Variants in HFM1 observed in about 807,000 individuals in gnomAD.
The protein encoded by HFM1 is helicase for meiosis 1, also known as probable ATP-dependent DNA helicase HFM1.
Under a neutral mutation model 192.1 loss-of-function variants are expected in HFM1, and 169 were observed. The ratio of observed to expected loss-of-function variants is 0.88; its 90% CI spans 0.78 to 1.00. The LOEUF is 1.00. Among genes scored for constraint, HFM1 ranks in the 50% least tolerant of loss-of-function variants. The pLI is 0.00. For synonymous variants in HFM1, 525 were observed against 537.8 expected (o/e 0.98, Z 0.33); for missense variants, 1,661 against 1,668.0 (o/e 1.00, Z 0.07).
rs750844625 is a variant in HFM1 at position 91,394,060 on chromosome 1, C to G, written c.494+33G>C. On this transcript the variant is annotated intron_variant, in intron 4 of 38. Coordinates refer to ENST00000370425, the MANE Select transcript of HFM1 (RefSeq NM_001017975.6). The stretch of plus-strand genomic sequence containing the variant: ...ATGTACAAATATTCAACTTTATTCA[C>G]AGAATATTATTTAGTTTAATTATAA... 3.8e-5 allele frequency: 45 copies of G among 1,173,794 alleles called. No individual in the cohort carries two copies. In the East Asian group the frequency reaches 1.1e-3, roughly 29 times the overall value. 72.7% of individuals were successfully genotyped at this position (1,173,794 alleles called of 1,614,324 possible).
chr1:91,405,193 A>T (rs1162063069), upstream of HFM1, among the ~76,000 whole-genome samples: 1 of 152,208 alleles, frequency 6.6e-6, no homozygotes, highest in Non-Finnish European at 1.5e-5. Context: ...TATTTATAAA[A>T]TATCACAGTG....
intron 18 of HFM1, 59 bp downstream of exon 18, chr1:91,350,679 T>C: frequency 6.6e-7 from 1 of 1,523,624 alleles, no homozygotes; most frequent in Non-Finnish European, 9.0e-7. Context: ...CTTATTAGTA[T>C]AAATACAGGC....
Position 91,328,489 on chromosome 1 carries a change from A to C in HFM1, c.2336-3723T>G. On this transcript the variant is annotated intron_variant, in intron 20 of 38. Transcript: ENST00000370425. ...CCGTAAGGTGGCCATTGATGCCTCT[A>C]TGAGCACTTATCAGTTCCTGATTGC... The C allele has an allele frequency of 1.9e-6, 3 of 1,613,572 alleles. No individual in the cohort carries two copies. In the African/African-American group the frequency reaches 4.0e-5, roughly 21 times the overall value.
At chr1:91,407,162 T>G (rs1284522961), upstream of HFM1, among the ~76,000 whole-genome samples, 1 of 152,134 alleles carries the variant, frequency 6.6e-6, no homozygotes, top group Non-Finnish European at 1.5e-5. Context: ...AACAAGAAAT[T>G]TGTGCCCATT....
intron 21 of HFM1, among the ~76,000 whole-genome samples, chr1:91,323,909 C>A (rs1267126062): frequency 1.3e-5 from 2 of 152,124 alleles, no homozygotes; most frequent in African/African-American, 4.8e-5. Context: ...AACTGGAATT[C>A]TACTGTGCAA....
intron 30 of HFM1, among the ~76,000 whole-genome samples, chr1:91,285,698 G>C (rs1667897097): frequency 6.6e-6 from 1 of 152,184 alleles, no homozygotes; most frequent in African/African-American, 2.4e-5. Context: ...CTTCATCCAT[G>C]ATTTTGCTTT....
At chr1:91,347,886 T>C (rs1031426650) in intron 18 of HFM1, among the ~76,000 whole-genome samples, 7 of 152,098 alleles carry the variant, frequency 4.6e-5, no homozygotes. Flanking sequence ...TACATGTGTA[T>C]CAAAAGATAT....
intron 30 of HFM1, among the ~76,000 whole-genome samples, chr1:91,292,714 T>C (rs1304343739): frequency 2.0e-5 from 3 of 152,162 alleles, no homozygotes; most frequent in East Asian, 1.9e-4. Context: ...TTAAAGTTCA[T>C]ATGGAACAAA....
At chr1:91,396,876 C>T (rs1276849968) in intron 2 of HFM1, among the ~76,000 whole-genome samples, 3 of 152,202 alleles carry the variant, frequency 2.0e-5, no homozygotes, top group East Asian at 1.9e-4. Context: ...GTTAGGAACC[C>T]GGCTGCACAG....
chr1:91,266,747 TA>T (rs1310763845), intron 35 of HFM1, among the ~76,000 whole-genome samples: 1 of 152,158 alleles, frequency 6.6e-6, no homozygotes, highest in Non-Finnish European at 1.5e-5. Context: ...ACACATTGCC[TA>T]TTAACTTGCA....
At chr1:91,316,701 A>G (rs1651278529) in intron 25 of HFM1, among the ~76,000 whole-genome samples, 1 of 152,224 alleles carries the variant, frequency 6.6e-6, no homozygotes, top group Admixed American at 6.5e-5. Context: ...TGCTTTATAA[A>G]AGAAAGAGAA....
At chr1:91,319,416 C>A in intron 23 of HFM1, 26 bp from the exon 24 acceptor site, 1 of 1,447,584 alleles carries the variant, frequency 6.9e-7, no homozygotes, top group Non-Finnish European at 9.7e-7. Flanking sequence ...AAAATTGTTA[C>A]TCCCTTTTAA....
chr1:91,265,911 A>T, intron 36 of HFM1, 106 bp downstream of exon 36: 1 of 1,468,224 alleles, frequency 6.8e-7, no homozygotes, highest in East Asian at 2.5e-5. Context: ...AGGTTGGCTA[A>T]TACCTTTTAG....
chr1:91,380,253 A>G lies in HFM1; in HGVS notation c.874-17T>C, dbSNP rs902952725. ...GTAAAGAAGCTAAAAAATAAAAAGT[A>G]ATCAATCATGTAACATATAGACTTT... On this transcript the variant is annotated splice_polypyrimidine_tract_variant and intron_variant, in intron 7 of 38. Transcript: ENST00000370425. 6 of 1,468,488 alleles carry G rather than the reference A, an allele frequency of 4.1e-6. No individual in the cohort carries two copies. Among genetic ancestry groups the G allele is most frequent in the Non-Finnish European group, 5.5e-6 (6 of 1,091,242 alleles). The allele number at this position is 1,468,488 out of a possible 1,614,324, so 91.0% of individuals were successfully genotyped here. A position where few individuals can be genotyped will look rare whatever the true frequency, so the allele number is the denominator to read the frequency against.
chr1:91,297,250 A>G (rs888187665), intron 30 of HFM1, among the ~76,000 whole-genome samples: 2 of 151,774 alleles, frequency 1.3e-5, no homozygotes, highest in Admixed American at 6.6e-5. Flanking sequence ...GGGGAGGGGC[A>G]CCCGCCATTG....
intron 13 of HFM1, among the ~76,000 whole-genome samples, chr1:91,375,008 A>C (rs963041438): frequency 3.3e-5 from 5 of 152,128 alleles, no homozygotes; most frequent in Non-Finnish European, 7.4e-5. Context: ...TCATGGAAGC[A>C]CAGAGTCCAG....
intron 23 of HFM1, among the ~76,000 whole-genome samples, chr1:91,321,493 A>C (rs980793420): frequency 1.3e-5 from 2 of 152,090 alleles, no homozygotes; most frequent in African/African-American, 4.8e-5. Flanking sequence ...AGAAACCAGA[A>C]ACTTGAAGGA....
At chr1:91,320,308 A>C (rs886465198) in intron 23 of HFM1, among the ~76,000 whole-genome samples, 3 of 152,222 alleles carry the variant, frequency 2.0e-5, no homozygotes, top group African/African-American at 7.2e-5. Context: ...CACTTCCTGG[A>C]ATGGATGTAT....
intron 19 of HFM1, among the ~76,000 whole-genome samples, chr1:91,344,951 T>TA (rs569980796): frequency 1.2e-4 from 18 of 151,992 alleles, no homozygotes; most frequent in Non-Finnish European, 2.4e-4. Flanking sequence ...GGGATCTCCC[T>TA]ATGTTGTCCA....
Sources: allele counts gnomAD v4.1 joint callset (sites outside exome capture counted in the v4.1 genomes callset), GRCh38; gene constraint gnomAD v4.1.1; transcripts MANE v1.5; gene names NCBI Gene and HGNC (gene_info 2026-07-23, HGNC 2026-07-21).